CDYL2: variants seen among roughly 807,000 people sequenced by gnomAD.
The protein encoded by CDYL2 is chromodomain Y-like protein 2.
Under a neutral mutation model 49.4 loss-of-function variants are expected in CDYL2, and 23 were observed. That is an observed-to-expected ratio of 0.47 (90% CI 0.34 to 0.66). CDYL2 has a LOEUF of 0.66. CDYL2 is among the 30% of genes least tolerant of loss of function. The probability of loss-of-function intolerance (pLI) is 0.01; values close to 1 mark genes in which losing one functional copy is unlikely to be tolerated. For missense variants in CDYL2, 678 were observed against 656.4 expected (o/e 1.03, Z -0.36); for synonymous variants, 360 against 268.8 (o/e 1.34, Z -3.32).
At chr16:80,688,919 A>G (rs1910304477) in intron 1 of CDYL2, among the ~76,000 whole-genome samples, 1 of 152,078 alleles carries the variant, frequency 6.6e-6, no homozygotes, top group South Asian at 2.1e-4. Flanking sequence ...ACAAAAACAA[A>G]CAAAAAACAG....
At chr16:80,623,598 C>A (rs1264299355) in intron 3 of CDYL2, among the ~76,000 whole-genome samples, 1 of 152,186 alleles carries the variant, frequency 6.6e-6, no homozygotes, top group Non-Finnish European at 1.5e-5. Context: ...GTTCATGGGA[C>A]CTGCAGGAAA....
chr16:80,793,484 A>G (rs542208843), intron 1 of CDYL2, among the ~76,000 whole-genome samples: 2 of 152,368 alleles, frequency 1.3e-5, no homozygotes, highest in South Asian at 4.1e-4. Flanking sequence ...GCCATACAGG[A>G]AGCACTCAAT....
intron 2 of CDYL2, among the ~76,000 whole-genome samples, chr16:80,660,902 G>A (rs75365069): frequency 0.02 from 3,088 of 152,196 alleles, 84 homozygotes; most frequent in African/African-American, 0.05. Context: ...AGACACAGAA[G>A]GAAAGATAGA....
At chr16:80,643,004 A>G (rs532552702) in intron 2 of CDYL2, among the ~76,000 whole-genome samples, 74 of 152,306 alleles carry the variant, frequency 4.9e-4, no homozygotes, top group African/African-American at 1.7e-3. Flanking sequence ...GCATTAACCC[A>G]AAAGTCCACA....
intron 1 of CDYL2, 32 bp from the exon 2 acceptor site, chr16:80,685,161 G>C (rs1334673729): frequency 2.0e-6 from 3 of 1,526,948 alleles, no homozygotes; most frequent in Non-Finnish European, 2.7e-6. Context: ...TCAGAAAACA[G>C]AGAGAGAGGG....
chr16:80,784,546 A>G (rs1206637838), intron 1 of CDYL2, among the ~76,000 whole-genome samples: 1 of 152,206 alleles, frequency 6.6e-6, no homozygotes, highest in Non-Finnish European at 1.5e-5. Context: ...GAAAACCAGA[A>G]GGGGAAATGG....
At chr16:80,799,330 G>C (rs1907857026) in intron 1 of CDYL2, among the ~76,000 whole-genome samples, 1 of 152,034 alleles carries the variant, frequency 6.6e-6, no homozygotes, top group African/African-American at 2.4e-5. Flanking sequence ...AACTCCTAGA[G>C]AACACCATCA....
At chr16:80,749,308 A>G (rs1410073793) in intron 1 of CDYL2, among the ~76,000 whole-genome samples, 2 of 152,214 alleles carry the variant, frequency 1.3e-5, no homozygotes, top group African/African-American at 4.8e-5. Flanking sequence ...AGTTATTGAA[A>G]ATGCATAAAG....
chr16:80,665,078 A>G (rs1244804107), intron 2 of CDYL2, among the ~76,000 whole-genome samples: 1 of 152,228 alleles, frequency 6.6e-6, no homozygotes, highest in Non-Finnish European at 1.5e-5. Flanking sequence ...AGCTCACAGC[A>G]GTCATTTAAT....
At chr16:80,743,150 T>C (rs183398842) in intron 1 of CDYL2, among the ~76,000 whole-genome samples, 14 of 152,286 alleles carry the variant, frequency 9.2e-5, no homozygotes, top group African/African-American at 1.7e-4. Context: ...CTTACATGTA[T>C]TGAACATCAA....
At chr16:80,608,051 T>C (rs750462998) in intron 6 of CDYL2, 41 bp downstream of exon 6, 50 of 1,522,916 alleles carry the variant, frequency 3.3e-5, no homozygotes, top group South Asian at 2.4e-4. Flanking sequence ...GTAAAATGGG[T>C]CTATCAAAAG....
At chr16:80,658,204 G>A (rs1193671917) in intron 2 of CDYL2, among the ~76,000 whole-genome samples, 2 of 151,984 alleles carry the variant, frequency 1.3e-5, no homozygotes, top group Non-Finnish European at 2.9e-5. Context: ...GGATGGGGAA[G>A]AGGTGACCCT....
intron 2 of CDYL2, among the ~76,000 whole-genome samples, chr16:80,656,232 A>G (rs1908805687): frequency 6.6e-6 from 1 of 152,248 alleles, no homozygotes; most frequent in Non-Finnish European, 1.5e-5. Context: ...GCTGGAGGAC[A>G]CCAAGGCATT....
chr16:80,661,576 C>T (rs1909046129), intron 2 of CDYL2, among the ~76,000 whole-genome samples: 1 of 152,166 alleles, frequency 6.6e-6, no homozygotes, highest in African/African-American at 2.4e-5. Flanking sequence ...GGTCAAACTC[C>T]AGCATCTTGA....
At chr16:80,726,082 T>A (rs1348151393) in intron 1 of CDYL2, among the ~76,000 whole-genome samples, 3 of 152,216 alleles carry the variant, frequency 2.0e-5, no homozygotes, top group Admixed American at 1.3e-4. Flanking sequence ...AATTTGCTAA[T>A]CCAGAAAATA....
chr16:80,757,080 C>CGGT (rs1387122667), intron 1 of CDYL2, among the ~76,000 whole-genome samples: 2 of 152,044 alleles, frequency 1.3e-5, no homozygotes, highest in Non-Finnish European at 2.9e-5. Flanking sequence ...AAATGCTAGC[C>CGGT]TACCAAACAA....
rs1373256807 is a variant in CDYL2 at position 80,772,824 on chromosome 16, A to AC, written c.24+31325_24+31326insG. On this transcript the variant is annotated intron_variant, in intron 1 of 6. Coordinates refer to ENST00000570137, the MANE Select transcript of CDYL2 (RefSeq NM_152342.4). ...TTTCTAGAGTAACCACTAAAAGAAA[A>AC]GAAAAAATAACAGAAAAAATGGAAT... Among the ~76,000 whole-genome samples, 5 of 152,220 alleles carry AC rather than the reference A, an allele frequency of 3.3e-5. No individual in the cohort carries two copies. The East Asian group carries it at 7.7e-4, about 23-fold the overall frequency.
At chr16:80,798,504 A>G (rs1440935876) in intron 1 of CDYL2, among the ~76,000 whole-genome samples, 1 of 152,210 alleles carries the variant, frequency 6.6e-6, no homozygotes, top group Non-Finnish European at 1.5e-5. Context: ...TGAACAGAAA[A>G]TATATTTTCT....
intron 2 of CDYL2, among the ~76,000 whole-genome samples, chr16:80,646,731 G>T (rs1435776842): frequency 6.6e-6 from 1 of 152,150 alleles, no homozygotes; most frequent in Non-Finnish European, 1.5e-5. Flanking sequence ...AGAGGTTGCA[G>T]TGAGCCAAGA....
Sources: allele counts gnomAD v4.1 joint callset (sites outside exome capture counted in the v4.1 genomes callset), GRCh38; gene constraint gnomAD v4.1.1; transcripts MANE v1.5; gene names NCBI Gene and HGNC (gene_info 2026-07-23, HGNC 2026-07-21).